Variants in IQCK observed in about 807,000 individuals in gnomAD.
IQCK encodes IQ domain-containing protein K.
Under a neutral mutation model 28.1 loss-of-function variants are expected in IQCK, and 29 were observed. That is an observed-to-expected ratio of 1.03 (90% confidence interval 0.77 to 1.41). The LOEUF is 1.41. Among genes scored for constraint, IQCK ranks in the 40% most tolerant of loss-of-function variants. The probability of loss-of-function intolerance (pLI) is 0.00; values close to 1 mark genes in which losing one functional copy is unlikely to be tolerated. For missense variants in IQCK, 359 were observed against 314.7 expected (o/e 1.14, Z -1.07); for synonymous variants, 113 against 115.1 (o/e 0.98, Z 0.12).
chr16:19,725,056 C>T (rs906130071), intron 1 of IQCK, among the ~76,000 whole-genome samples: 1 of 152,010 alleles, frequency 6.6e-6, no homozygotes, highest in Non-Finnish European at 1.5e-5. Flanking sequence ...TTGTGTAAAA[C>T]GAACAACAAC....
intron 1 of IQCK, among the ~76,000 whole-genome samples, chr16:19,720,354 G>A (rs1371419799): frequency 6.6e-6 from 1 of 152,184 alleles, no homozygotes; most frequent in African/African-American, 2.4e-5. Context: ...GGTAGTTATT[G>A]TGGCTGCCTT....
chr16:19,735,251 TG>T lies in IQCK; in HGVS notation c.377-101del, dbSNP rs1363602610. ...AATATAACATCTAAGATCATGTGATTGAATGGACAGTACCTTTTTCTGGCTC... is the reference window on the plus strand; with the variant it reads ...AATATAACATCTAAGATCATGTGATTAATGGACAGTACCTTTTTCTGGCTC... On this transcript the variant is annotated intron_variant, in intron 3 of 7. Coordinates refer to ENST00000564186, the Ensembl canonical transcript of IQCK. 3 of 776,854 alleles carry T rather than the reference TG, an allele frequency of 3.9e-6. No individual in the cohort carries two copies. In the African/African-American group the frequency reaches 5.2e-5, roughly 14 times the overall value. The allele number at this position is 776,854 out of a possible 1,614,324, so 48.1% of individuals were successfully genotyped here.
chr16:19,739,772 G>A (rs549101021), intron 4 of IQCK, among the ~76,000 whole-genome samples: 2 of 151,934 alleles, frequency 1.3e-5, no homozygotes, highest in East Asian at 1.9e-4. Context: ...CCATGATGGC[G>A]CCACTGCACT....
At chr16:19,730,703 C>T (rs909401898) in intron 2 of IQCK, among the ~76,000 whole-genome samples, 21 of 147,264 alleles carry the variant, frequency 1.4e-4, no homozygotes, top group Non-Finnish European at 2.4e-4. Flanking sequence ...GCATTAGTTT[C>T]GGCGTTTGTC....
chr16:19,826,642 T>G (rs1052103001), intron 7 of IQCK, among the ~76,000 whole-genome samples: 6 of 152,198 alleles, frequency 3.9e-5, no homozygotes, highest in Admixed American at 1.3e-4. Flanking sequence ...CCTCCCAAAG[T>G]GCTGGGATTA....
intron 6 of IQCK, among the ~76,000 whole-genome samples, chr16:19,772,667 C>G (rs1447736437): frequency 6.6e-6 from 1 of 152,040 alleles, no homozygotes; most frequent in African/African-American, 2.4e-5. Context: ...TTAATTTTTT[C>G]TGTCTACTTT....
downstream of IQCK, chr16:19,827,311 T>A: frequency 1.7e-6 from 1 of 597,314 alleles, no homozygotes; most frequent in South Asian, 2.1e-5. Context: ...ACAGAGGTGA[T>A]GTGATATAAT....
chr16:19,746,314 A>C (rs1196549362), intron 4 of IQCK, among the ~76,000 whole-genome samples: 2 of 150,742 alleles, frequency 1.3e-5, no homozygotes, highest in Admixed American at 1.3e-4. Flanking sequence ...CCATCCCCTA[A>C]GTAACTGTGT....
At chr16:19,772,189 A>G (rs960550156) in intron 6 of IQCK, among the ~76,000 whole-genome samples, 9 of 152,202 alleles carry the variant, frequency 5.9e-5, no homozygotes, top group Admixed American at 5.2e-4. Context: ...ATAAATTACC[A>G]TATTTTCTGA....
chr16:19,854,759 C>A (rs989363714), intron 9 of IQCK, among the ~76,000 whole-genome samples: 11 of 152,018 alleles, frequency 7.2e-5, no homozygotes, highest in Non-Finnish European at 1.2e-4. Context: ...CGGGACTCTC[C>A]CCCAATCCCT....
In IQCK at chr16:19,767,184, G is replaced by A. The variant is rs562316370; in HGVS notation, c.605+3072G>A. ...GGCGGTGTCTATAGGTGAATTTACA[G>A]CTGAAGCCCCAGTGGGCATATGTTA... On this transcript the variant is annotated intron_variant, in intron 6 of 7. Transcript: ENST00000564186. Among the ~76,000 whole-genome samples the A allele has an allele frequency of 3.9e-5, 6 of 152,318 alleles. No individual in the cohort carries two copies. The South Asian group carries it at 1.2e-3, about 32-fold the overall frequency.
chr16:19,837,311 G>A (rs2081432782), intron 9 of IQCK, among the ~76,000 whole-genome samples: 1 of 152,122 alleles, frequency 6.6e-6, no homozygotes, highest in South Asian at 2.1e-4. Context: ...TGAGGCAGGA[G>A]GATCTCTTGG....
At position 19,844,032 on chromosome 16, in the gene IQCK, A is replaced by G. The variant is rs868006408; in HGVS notation, c.803-12455A>G. ...TTCCACTTTTTGGCTATTATGAATA[A>G]TGCTGCTATGAATATTCATGTACAA... On this transcript the variant is annotated intron_variant, in intron 9 of 9. Coordinates refer to the IQCK transcript ENST00000320394. 2.0e-5 allele frequency among the ~76,000 whole-genome samples: 3 copies of G among 151,354 alleles called. No homozygotes were observed. In the South Asian group the frequency reaches 6.2e-4, roughly 31 times the overall value.
At chr16:19,721,206 A>T (rs898208361) in intron 1 of IQCK, among the ~76,000 whole-genome samples, 7 of 151,918 alleles carry the variant, frequency 4.6e-5, no homozygotes, top group African/African-American at 1.7e-4. Context: ...TATCTTTGAG[A>T]TTAAGTACTA....
chr16:19,856,666 G>A (rs2141132024), exon 10 of IQCK: 1 of 797,584 alleles, frequency 1.3e-6, no homozygotes, highest in East Asian at 2.6e-5. Flanking sequence ...ATGTGCAAAT[G>A]GAATCTTTTC....
At chr16:19,824,335 C>G (rs894989877) in intron 7 of IQCK, among the ~76,000 whole-genome samples, 7 of 152,190 alleles carry the variant, frequency 4.6e-5, no homozygotes, top group Non-Finnish European at 7.3e-5. Flanking sequence ...CTATGAGAAT[C>G]TAATGCTGCC....
At chr16:19,806,615 G>T (rs112013499) in intron 7 of IQCK, among the ~76,000 whole-genome samples, 25 of 152,064 alleles carry the variant, frequency 1.6e-4, no homozygotes, top group African/African-American at 5.8e-4. Context: ...CTTGAGCCCG[G>T]GAGGCAGAGC....
In IQCK at chr16:19,825,258, T is replaced by C. The variant is rs747690591; in HGVS notation, c.691-1768T>C. Among the ~76,000 whole-genome samples, 2 of 152,206 alleles carry C rather than the reference T, an allele frequency of 1.3e-5. No individual in the cohort carries two copies. The highest frequency in any genetic ancestry group is 2.9e-5 in the Non-Finnish European group (2 of 68,034). ...AAAATAGGCCGGGAGCAGTGGCTTATACCTGTAATCCCAGCCCTTTGGGAG... is the reference window on the plus strand; with the variant it reads ...AAAATAGGCCGGGAGCAGTGGCTTACACCTGTAATCCCAGCCCTTTGGGAG... On this transcript the variant is annotated intron_variant, in intron 7 of 7. Transcript: ENST00000564186. This position sits in a 1 kb window ranked among gnomAD's most constrained non-coding sequence, Gnocchi z 4.2.
chr16:19,762,957 A>G (rs2055171528), intron 4 of IQCK, among the ~76,000 whole-genome samples: 1 of 152,144 alleles, frequency 6.6e-6, no homozygotes, highest in African/African-American at 2.4e-5. Flanking sequence ...CAGAAGTTGC[A>G]GTGAGCTGAG....
Sources: allele counts gnomAD v4.1 joint callset (sites outside exome capture counted in the v4.1 genomes callset), GRCh38; gene constraint gnomAD v4.1.1; non-coding constraint Gnocchi (gnomAD v3.1); transcripts MANE v1.5; gene names NCBI Gene and HGNC (gene_info 2026-07-23, HGNC 2026-07-21).